Variants in PALS2 observed in about 807,000 individuals in gnomAD.
PALS2 encodes protein associated with LIN7 2, MAGUK p55 family member.
PALS2 carries 27 observed loss-of-function variants against 61.6 expected under a neutral mutation model. The observed-to-expected ratio is 0.44, with a 90% CI of 0.32 to 0.60. The LOEUF (loss-of-function observed/expected upper bound fraction) is 0.60, where lower values mean the gene tolerates loss of function less well. Ranked by LOEUF, PALS2 falls within the 20% of genes least tolerant of loss-of-function variation. The pLI is 0.05. For missense variants in PALS2, 554 were observed against 639.4 expected (o/e 0.87, Z 1.44); for synonymous variants, 236 against 218.6 (o/e 1.08, Z -0.70).
rs74407305 is a variant in PALS2 at position 24,679,326 on chromosome 7, A to G, written c.1310A>G (p.Asn437Ser). ...GGACGGACTTGCATTCTGGATGTCA[A>G]CCCACAAGTAAGCTGCTTGGATTCC... Reference protein sequence around the residue: ...QTGRTCILDVNPQALKVLRTS... With the variant: ...QTGRTCILDVSPQALKVLRTS... Residue 437 changes from asparagine (N) to serine (S), a missense_variant, in exon 10 of 12, where the codon AAC (asparagine) becomes AGC (serine). Asn to Ser is a conservative substitution (Grantham distance 46, BLOSUM62 1). Transcript: ENST00000222644. The G allele has an allele frequency of 1.2e-5, 20 of 1,613,684 alleles. No homozygotes were observed. The Admixed American group carries it at 1.8e-4, about 15-fold the overall frequency.
At position 24,606,198 on chromosome 7, in the gene PALS2, CTT is replaced by C. The variant is rs1300282315; in HGVS notation, c.-2-17467_-2-17466del. Among the ~76,000 whole-genome samples the C allele has an allele frequency of 2.0e-5, 3 of 152,216 alleles. No homozygotes were observed. In the East Asian group the frequency reaches 5.8e-4, roughly 29 times the overall value. ...CAGTTAAGAATTACTATGAATGAAACTTATTAACAATTACTCTTAATTCTTTA... is the reference window on the plus strand; with the variant it reads ...CAGTTAAGAATTACTATGAATGAAACATTAACAATTACTCTTAATTCTTTA... On this transcript the variant is annotated intron_variant, in intron 1 of 11. Transcript: ENST00000222644.
chr7:24,656,328 G>A (rs766133871), intron 5 of PALS2, among the ~76,000 whole-genome samples: 43 of 152,136 alleles, frequency 2.8e-4, no homozygotes, highest in Non-Finnish European at 7.4e-5. Context: ...ATTTGCATAA[G>A]CATAGTGTAT....
chr7:24,655,630 A>AT (rs770410952), intron 5 of PALS2, among the ~76,000 whole-genome samples: 21,009 of 96,812 alleles, frequency 0.22, 2,958 homozygotes, highest in Admixed American at 0.27. Flanking sequence ...TAGTTAGTAG[A>AT]TTTTTTTTTT....
chr7:24,598,619 A>G (rs1783606519), intron 1 of PALS2, among the ~76,000 whole-genome samples: 1 of 152,214 alleles, frequency 6.6e-6, no homozygotes, highest in Non-Finnish European at 1.5e-5. Context: ...TAGATTGGAT[A>G]ATCTGCTGTT....
intron 2 of PALS2, among the ~76,000 whole-genome samples, chr7:24,636,285 C>G (rs1785235725): frequency 6.6e-6 from 1 of 151,328 alleles, no homozygotes; most frequent in African/African-American, 2.4e-5. Flanking sequence ...AGTGTATGTT[C>G]CCACTAGAAA....
chr7:24,644,424 C>G lies in PALS2; in HGVS notation c.270+2556C>G, dbSNP rs115378574. Among the ~76,000 whole-genome samples the G allele has an allele frequency of 5.3e-3, 814 of 152,230 alleles. 7 individuals are homozygous for G. The highest frequency in any genetic ancestry group is 0.018 in the African/African-American group (744 of 41,556). The stretch of plus-strand genomic sequence containing the variant: ...GCCTCCAGCTCCATTCATGTTGCCA[C>G]AAAAGACATGATCTCATTTTTATGG... On this transcript the variant is annotated intron_variant, in intron 3 of 11. Coordinates refer to ENST00000222644, the MANE Select transcript of PALS2 (RefSeq NM_001303037.2).
At chr7:24,643,662 C>G (rs376066517) in intron 3 of PALS2, among the ~76,000 whole-genome samples, 2 of 152,088 alleles carry the variant, frequency 1.3e-5, no homozygotes, top group African/African-American at 4.8e-5. Context: ...TTGCACCATA[C>G]CTTTTCCCCT....
chr7:24,628,346 AGGTATTGAT>A (rs781739946), intron 2 of PALS2, among the ~76,000 whole-genome samples: 4 of 152,220 alleles, frequency 2.6e-5, no homozygotes, highest in Non-Finnish European at 5.9e-5. Flanking sequence ...TCAATAAACT[AGGTATTGAT>A]GGAACATATC....
At chr7:24,625,130 T>C (rs1439579102) in intron 2 of PALS2, among the ~76,000 whole-genome samples, 1 of 152,176 alleles carries the variant, frequency 6.6e-6, no homozygotes, top group Non-Finnish European at 1.5e-5. Context: ...ATTCCTACTG[T>C]TTTAAAGTAA....
At position 24,587,956 on chromosome 7, in the gene PALS2, A is replaced by G. The variant is rs548653255; in HGVS notation, c.-3+14363A>G. ...ATTTAGAATACACCAGTGATTCTCT[A>G]AGGGTGCAGTTTTGCCCCCTAAGGG... On this transcript the variant is annotated intron_variant, in intron 1 of 11. Transcript: ENST00000222644. Among the ~76,000 whole-genome samples the G allele has an allele frequency of 9.2e-5, 14 of 152,262 alleles. No individual in the cohort carries two copies. In the South Asian group the frequency reaches 2.9e-3, roughly 32 times the overall value.
At chr7:24,640,189 T>C (rs1396194784) in intron 2 of PALS2, among the ~76,000 whole-genome samples, 1 of 152,136 alleles carries the variant, frequency 6.6e-6, no homozygotes, top group East Asian at 1.9e-4. Flanking sequence ...TTTTTCTTTT[T>C]GTTTAGTAAG....
At chr7:24,649,187 T>C (rs989512317) in intron 3 of PALS2, among the ~76,000 whole-genome samples, 2 of 152,058 alleles carry the variant, frequency 1.3e-5, no homozygotes, top group African/African-American at 4.8e-5. Flanking sequence ...ATTACTAACA[T>C]AGCAATGTTA....
At chr7:24,614,604 A>T (rs1427793073) in intron 1 of PALS2, among the ~76,000 whole-genome samples, 1 of 151,946 alleles carries the variant, frequency 6.6e-6, no homozygotes, top group Non-Finnish European at 1.5e-5. Context: ...AAGTATTATT[A>T]CATCTAAAAG....
intron 1 of PALS2, among the ~76,000 whole-genome samples, chr7:24,579,375 G>T (rs1262895994): frequency 6.6e-6 from 1 of 152,190 alleles, no homozygotes; most frequent in Non-Finnish European, 1.5e-5. Context: ...AAATAGAAAA[G>T]GCTGGAAATA....
chr7:24,679,464 G>C (rs1787801822), intron 10 of PALS2, 131 bp downstream of exon 10: 6 of 789,378 alleles, frequency 7.6e-6, no homozygotes, highest in South Asian at 1.8e-5. Context: ...CATTACCTTT[G>C]GGTGATAGAG....
rs1786042911 is a variant in PALS2, at chr7:24,649,751, C to G, written c.410C>G (p.Ala137Gly). 1.2e-6 allele frequency: 2 copies of G among 1,607,828 alleles called. No individual in the cohort carries two copies. The highest frequency in any genetic ancestry group is 1.3e-5 in the African/African-American group (1 of 74,532). Residue 137 changes from alanine (A) to glycine (G), a missense_variant, in exon 4 of 12, where the codon GCT (alanine) becomes GGT (glycine). By Grantham distance (60) the Ala-to-Gly change is moderately conservative (BLOSUM62 0). Transcript: ENST00000222644. Reference sequence around the variant, plus strand: ...CGTATTCTTGGTATTCACAAAAGAGCTGGGGAACCACTGGTGAGTACAGAT... The same window carrying G: ...CGTATTCTTGGTATTCACAAAAGAGGTGGGGAACCACTGGTGAGTACAGAT... ...AIRILGIHKRAGEPLGVTFRV... is the reference protein window; with the variant it reads ...AIRILGIHKRGGEPLGVTFRV...
chr7:24,616,481 A>G (rs1459308850), intron 1 of PALS2, among the ~76,000 whole-genome samples: 2 of 152,160 alleles, frequency 1.3e-5, no homozygotes, highest in African/African-American at 2.4e-5. Context: ...CTGAAATGAA[A>G]TAAGTGTAGC....
intron 1 of PALS2, among the ~76,000 whole-genome samples, chr7:24,600,809 C>T (rs1368173789): frequency 6.6e-6 from 1 of 152,096 alleles, no homozygotes; most frequent in Non-Finnish European, 1.5e-5. Context: ...ACTTTGTCTT[C>T]TCCAGGTTTC....
chr7:24,650,679 A>G lies in PALS2; in HGVS notation c.618A>G (p.Leu206=), dbSNP rs1562642006. 3 of 1,605,554 alleles carry G rather than the reference A, an allele frequency of 1.9e-6. No homozygotes were observed. Among genetic ancestry groups the G allele is most frequent in the Non-Finnish European group, 2.6e-6 (3 of 1,172,796 alleles). The stretch of plus-strand genomic sequence containing the variant: ...GTGGAAGTGTCACCCTAAAAATCTT[A>G]CCAAGTTATAGAGATACCATTACTC... The part of the protein sequence containing the change: ...NISGSVTLKI[L]PSYRDTITPQ... The change falls in exon 5 of 12, where the codon TTA becomes TTG. Residue 206 remains leucine (L), a synonymous_variant. Transcript: ENST00000222644.
Sources: gnomAD v4.1 joint callset for allele counts (sites outside exome capture counted in the v4.1 genomes callset) on GRCh38, gnomAD v4.1.1 for gene constraint, MANE v1.5 for transcripts, NCBI Gene and HGNC (gene_info 2026-07-23, HGNC 2026-07-21) for gene names.